ETNPPL: variants seen among roughly 807,000 people sequenced by gnomAD.
ETNPPL encodes the protein alanine--glyoxylate aminotransferase 2-like 1.
Under a neutral mutation model 55.5 loss-of-function variants are expected in ETNPPL, and 30 were observed. The ratio of observed to expected loss-of-function variants is 0.54; its 90% CI spans 0.40 to 0.73. The LOEUF (loss-of-function observed/expected upper bound fraction) is 0.73, where lower values mean the gene tolerates loss of function less well. Ranked by LOEUF, ETNPPL falls within the 30% of genes least tolerant of loss-of-function variation. ETNPPL has a pLI of 0.00. For synonymous variants in ETNPPL, 202 were observed against 207.2 expected (o/e 0.98, Z 0.21); for missense variants, 528 against 607.9 (o/e 0.87, Z 1.38).
At chr4:108,744,000 T>C (rs894009267) in intron 11 of ETNPPL, 144 bp from the exon 12 acceptor site, 9 of 626,526 alleles carry the variant, frequency 1.4e-5, no homozygotes, top group Non-Finnish European at 2.5e-5. Context: ...CTGTGGCTCA[T>C]GCCTGTCATC....
At chr4:108,757,928 T>C (rs1200223953) in intron 3 of ETNPPL, among the ~76,000 whole-genome samples, 1 of 151,786 alleles carries the variant, frequency 6.6e-6, no homozygotes, top group Non-Finnish European at 1.5e-5. Context: ...AATATCTTAA[T>C]GGAAAGTGAA....
Position 108,742,582 on chromosome 4 carries a change from T to C in ETNPPL, c.1402A>G (p.Arg468Gly), listed in dbSNP as rs551475026. ...TCTTTGGAGTCAGTGGTGCTGTCCC[T>C]AAGCAGTTCTATGTGGGCTTCTTTC... ...MLKEAHIELLRDSTTDSKENP... is the reference protein window; with the variant it reads ...MLKEAHIELLGDSTTDSKENP... The change falls in exon 13 of 13, where the codon AGG becomes GGG. Residue 468 changes from arginine (R) to glycine (G), a missense_variant. By Grantham distance (125) the Arg-to-Gly change is moderately radical. Transcript: ENST00000296486. 6.1e-5 allele frequency: 98 copies of C among 1,614,194 alleles called. No individual in the cohort carries two copies. Among genetic ancestry groups the C allele is most frequent in the Admixed American group, 2.3e-4 (14 of 60,034 alleles).
At chr4:108,758,376 C>T (rs1729329696) in intron 3 of ETNPPL, among the ~76,000 whole-genome samples, 1 of 152,124 alleles carries the variant, frequency 6.6e-6, no homozygotes, top group Non-Finnish European at 1.5e-5. Context: ...CATATTTAGA[C>T]ATGCATTTGC....
Position 108,743,846 on chromosome 4 carries a change from T to G in ETNPPL, c.1314A>C (p.Glu438Asp). The G allele has an allele frequency of 3.1e-6, 5 of 1,607,844 alleles. No homozygotes were observed. Among genetic ancestry groups the G allele is most frequent in the Non-Finnish European group, 4.3e-6 (5 of 1,174,492 alleles). The change falls in exon 12 of 13, where the codon GAA becomes GAC. Residue 438 changes from glutamate to aspartate, a missense_variant. Glu to Asp is a conservative substitution (Grantham distance 45). Coordinates refer to ENST00000296486, the MANE Select transcript of ETNPPL (RefSeq NM_031279.4). ...CACTTTCGGTTTTGGTTCCCATAGC[T>G]TCTTCTAAAACTGAATCAAGGAAGG... ...QLDRILTVLE[E>D]AMGTKTESVT...
intron 6 of ETNPPL, 135 bp downstream of exon 6, chr4:108,752,760 C>A: frequency 1.6e-6 from 1 of 639,628 alleles, no homozygotes; most frequent in Non-Finnish European, 2.7e-6. Context: ...AAATTTGAAT[C>A]AAGTGAAAAC....
At chr4:108,761,503 G>T (rs528589812) in intron 1 of ETNPPL, among the ~76,000 whole-genome samples, 7 of 152,228 alleles carry the variant, frequency 4.6e-5, no homozygotes, top group African/African-American at 1.7e-4. Context: ...AAAAAACTTT[G>T]TTAAGGATGT....
At chr4:108,757,910 G>A (rs1729299035) in intron 3 of ETNPPL, among the ~76,000 whole-genome samples, 1 of 151,430 alleles carries the variant, frequency 6.6e-6, no homozygotes, top group South Asian at 2.1e-4. Flanking sequence ...GACATAAATT[G>A]GTTTTAAAAT....
intron 12 of ETNPPL, among the ~76,000 whole-genome samples, chr4:108,742,951 C>T (rs1383811739): frequency 6.6e-6 from 1 of 152,098 alleles, no homozygotes; most frequent in Non-Finnish European, 1.5e-5. Flanking sequence ...AGCTGTGATT[C>T]TTAGACTTGA....
Position 108,745,158 on chromosome 4 carries a change from TA to T in ETNPPL, c.1303+1240del, listed in dbSNP as rs1222998363. Among the ~76,000 whole-genome samples the T allele has an allele frequency of 3.9e-5, 6 of 152,152 alleles. No individual in the cohort carries two copies. In the East Asian group the frequency reaches 1.2e-3, roughly 29 times the overall value. ...CCAATGTATGTTCATAACAAAAAAA[TA>T]AATTAACCTAGTTGCATAATATAGG... On this transcript the variant is annotated intron_variant, in intron 11 of 12. Transcript: ENST00000296486.
chr4:108,747,161 A>G lies in ETNPPL; in HGVS notation c.1083-310T>C, dbSNP rs1360875176. 1.3e-4 allele frequency among the ~76,000 whole-genome samples: 2 copies of G among 15,846 alleles called. 1 individual carries two copies. Among genetic ancestry groups the G allele is most frequent in the African/African-American group, 9.7e-4 (2 of 2,066 alleles). The allele number at this position is 15,846 out of a possible 152,430, so 10.4% of individuals were successfully genotyped here. A position where few individuals can be genotyped will look rare whatever the true frequency, so the allele number is the denominator to read the frequency against. ...ATATATATATATAATATATATATAT[A>G]TATTATATATATATATATAATATAT... On this transcript the variant is annotated intron_variant, in intron 9 of 12. Coordinates refer to ENST00000296486, the MANE Select transcript of ETNPPL (RefSeq NM_031279.4).
At chr4:108,752,648 G>T (rs1728967541) in intron 6 of ETNPPL, among the ~76,000 whole-genome samples, 1 of 152,114 alleles carries the variant, frequency 6.6e-6, no homozygotes, top group African/African-American at 2.4e-5. Flanking sequence ...CACTGAAAAG[G>T]TCAGAATTAG....
Position 108,746,381 on chromosome 4 carries a change from A to G in ETNPPL, c.1303+18T>C, listed in dbSNP as rs1418212994. On this transcript the variant is annotated intron_variant, in intron 11 of 12. Coordinates refer to ENST00000296486, the MANE Select transcript of ETNPPL (RefSeq NM_031279.4). Reference sequence around the variant, plus strand: ...GGGAGAGGGAACAAGAAGACATCTTAAAGATCCATGGACCCACCTGTTAGA... The same window carrying G: ...GGGAGAGGGAACAAGAAGACATCTTGAAGATCCATGGACCCACCTGTTAGA... 10 of 1,603,874 alleles carry G rather than the reference A, an allele frequency of 6.2e-6. No individual in the cohort carries two copies. The highest frequency in any genetic ancestry group is 3.4e-5 in the Admixed American group (2 of 58,270).
intron 12 of ETNPPL, 37 bp downstream of exon 12, chr4:108,743,752 A>G (rs184824385): frequency 2.5e-5 from 36 of 1,429,598 alleles, no homozygotes; most frequent in Non-Finnish European, 3.2e-5. Context: ...CCCAAATTTT[A>G]AACTTTCCCC....
chr4:108,744,114 A>G (rs1728349964), intron 11 of ETNPPL, among the ~76,000 whole-genome samples: 1 of 152,146 alleles, frequency 6.6e-6, no homozygotes, highest in Non-Finnish European at 1.5e-5. Flanking sequence ...TACAAAAATT[A>G]GCCGGATGTG....
At chr4:108,762,468 T>C in intron 1 of ETNPPL, 1 of 637,870 alleles carries the variant, frequency 1.6e-6, no homozygotes, top group Non-Finnish European at 2.9e-6. Flanking sequence ...CCAAAAACTT[T>C]CGAGTTGTGT....
At chr4:108,747,132 A>C (rs1472472112) in intron 9 of ETNPPL, among the ~76,000 whole-genome samples, 1 of 49,868 alleles carries the variant, frequency 2.0e-5, no homozygotes, top group African/African-American at 1.3e-4. Flanking sequence ...CATTATATAT[A>C]TATATATATA....
chr4:108,750,811 G>T, intron 7 of ETNPPL, 125 bp downstream of exon 7: 1 of 703,274 alleles, frequency 1.4e-6, no homozygotes, highest in Non-Finnish European at 2.5e-6. Context: ...GGGTTGGCAG[G>T]CACTCAGGTG....
chr4:108,747,140 ATATATATAATATATATATATATAT>A (rs1728566086), intron 9 of ETNPPL, among the ~76,000 whole-genome samples: 1 of 24,238 alleles, frequency 4.1e-5, no homozygotes, highest in Non-Finnish European at 6.5e-5. Flanking sequence ...ATATATATAT[ATATATATAATATATATATATATAT>A]TATATATATA....
At chr4:108,744,955 G>A (rs1340613862) in intron 11 of ETNPPL, among the ~76,000 whole-genome samples, 1 of 151,992 alleles carries the variant, frequency 6.6e-6, no homozygotes, top group Non-Finnish European at 1.5e-5. Flanking sequence ...CAGCTCCTGA[G>A]CTATCCTGAT....
Sources: gnomAD v4.1 joint callset for allele counts (sites outside exome capture counted in the v4.1 genomes callset) on GRCh38, gnomAD v4.1.1 for gene constraint, MANE v1.5 for transcripts, NCBI Gene and HGNC (gene_info 2026-07-23, HGNC 2026-07-21) for gene names.